The following CNTNAP5 variants were observed in gnomAD, a reference collection of about 807,000 sequenced individuals.
CNTNAP5 encodes the protein contactin associated protein family member 5.
A neutral mutation model predicts 150.2 loss-of-function variants in CNTNAP5; 72 were observed. The ratio of observed to expected loss-of-function variants is 0.48; its 90% CI spans 0.40 to 0.58. The LOEUF is 0.58. Among genes scored for constraint, CNTNAP5 ranks in the 20% least tolerant of loss-of-function variants. The probability of loss-of-function intolerance (pLI) is 0.00; values close to 1 mark genes in which losing one functional copy is unlikely to be tolerated. For synonymous variants in CNTNAP5, 672 were observed against 619.8 expected (o/e 1.08, Z -1.25); for missense variants, 1,636 against 1,626.2 (o/e 1.01, Z -0.10).
At chr2:124,828,571 T>C (rs576982881) in intron 19 of CNTNAP5, among the ~76,000 whole-genome samples, 7 of 151,970 alleles carry the variant, frequency 4.6e-5, no homozygotes, top group African/African-American at 1.7e-4. Flanking sequence ...TCGTAGGTTT[T>C]CAAAATATTT....
At chr2:124,406,045 C>A (rs577088246) in intron 3 of CNTNAP5, among the ~76,000 whole-genome samples, 2 of 152,302 alleles carry the variant, frequency 1.3e-5, no homozygotes, top group African/African-American at 4.8e-5. Flanking sequence ...TATCACCATG[C>A]AATTCAAACT....
At chr2:124,719,517 TA>T (rs913827958) in intron 13 of CNTNAP5, among the ~76,000 whole-genome samples, 2 of 152,040 alleles carry the variant, frequency 1.3e-5, no homozygotes, top group African/African-American at 4.8e-5. Context: ...ATCTGGTGTA[TA>T]AAAAAAGGGG....
At chr2:124,510,661 G>A (rs1456445368) in intron 8 of CNTNAP5, among the ~76,000 whole-genome samples, 1 of 151,794 alleles carries the variant, frequency 6.6e-6, no homozygotes, top group African/African-American at 2.4e-5. Flanking sequence ...CAAGTGACAT[G>A]AGGTCTACTT....
chr2:124,646,413 A>G (rs1678202647), intron 12 of CNTNAP5, among the ~76,000 whole-genome samples: 1 of 152,114 alleles, frequency 6.6e-6, no homozygotes, highest in African/African-American at 2.4e-5. Context: ...TCATTTCTTT[A>G]CTTTCTGGAC....
At chr2:124,380,221 T>C (rs891882540) in intron 3 of CNTNAP5, among the ~76,000 whole-genome samples, 15 of 152,162 alleles carry the variant, frequency 9.9e-5, no homozygotes, top group African/African-American at 3.6e-4. Context: ...CCGCATTTTG[T>C]ACACCATCCC....
At chr2:124,353,979 A>T (rs966236327) in intron 3 of CNTNAP5, among the ~76,000 whole-genome samples, 6 of 152,230 alleles carry the variant, frequency 3.9e-5, no homozygotes, top group African/African-American at 1.4e-4. Flanking sequence ...TGTCAGGCAG[A>T]TGAAAATTAT....
chr2:124,797,359 G>A (rs1573623724), intron 18 of CNTNAP5, among the ~76,000 whole-genome samples: 1 of 152,234 alleles, frequency 6.6e-6, no homozygotes. Flanking sequence ...TTTAGATCCC[G>A]TATTTCTTCC....
chr2:124,511,894 A>T (rs1300301766), intron 8 of CNTNAP5, among the ~76,000 whole-genome samples: 1 of 150,740 alleles, frequency 6.6e-6, no homozygotes, highest in African/African-American at 2.4e-5. Flanking sequence ...CAACCTGTAG[A>T]GAATTAGGAG....
chr2:124,510,518 T>TATATATATACACACACAC (rs10641959), intron 8 of CNTNAP5, among the ~76,000 whole-genome samples: 4 of 124,906 alleles, frequency 3.2e-5, no homozygotes, highest in East Asian at 2.2e-4. Flanking sequence ...TATATATATA[T>TATATATATACACACACAC]ACATATATCT....
intron 21 of CNTNAP5, among the ~76,000 whole-genome samples, chr2:124,900,634 A>C (rs916832806): frequency 6.6e-6 from 1 of 151,596 alleles, no homozygotes; most frequent in Non-Finnish European, 1.5e-5. Context: ...ATGTCATGAC[A>C]GTCACTATAG....
intron 4 of CNTNAP5, among the ~76,000 whole-genome samples, chr2:124,424,826 C>T (rs1442844877): frequency 6.6e-6 from 1 of 152,062 alleles, no homozygotes; most frequent in African/African-American, 2.4e-5. Context: ...GGTAGATAAA[C>T]AAATGCTCAT....
intron 3 of CNTNAP5, among the ~76,000 whole-genome samples, chr2:124,404,241 C>A (rs1021696264): frequency 6.6e-6 from 1 of 152,208 alleles, no homozygotes; most frequent in African/African-American, 2.4e-5. Flanking sequence ...GTCACTGATG[C>A]AGAATTTTGT....
intron 20 of CNTNAP5, among the ~76,000 whole-genome samples, chr2:124,867,029 C>A (rs1469823846): frequency 6.6e-6 from 1 of 152,156 alleles, no homozygotes; most frequent in Non-Finnish European, 1.5e-5. Context: ...CTGAATAGTT[C>A]ATGGTTCTAG....
chr2:124,790,140 A>C lies in CNTNAP5; in HGVS notation c.2991A>C (p.Lys997Asn), dbSNP rs1197855657. ...CTTATGAAGGGCCCTTTTGCAAAAA[A>C]GGTACCTTAGGCGCTCCTGTTTCTC... is the stretch of plus-strand genomic sequence containing the variant. ...NSPYEGPFCK[K>N]EVSAVFEAGT... The change falls in exon 18 of 24, where the codon AAA becomes AAC. Residue 997 changes from lysine (K) to asparagine (N), a missense_variant and splice_region_variant. Physicochemically the swap from Lys to Asn is moderately conservative, Grantham distance 94 (BLOSUM62 0). Transcript: ENST00000682447. 6.2e-7 allele frequency: 1 copy of C among 1,610,654 alleles called. No individual in the cohort carries two copies. Among genetic ancestry groups the C allele is most frequent in the Non-Finnish European group, 8.5e-7 (1 of 1,178,164 alleles).
At chr2:124,646,992 T>G (rs1054182325) in intron 12 of CNTNAP5, among the ~76,000 whole-genome samples, 1 of 152,142 alleles carries the variant, frequency 6.6e-6, no homozygotes, top group Non-Finnish European at 1.5e-5. Flanking sequence ...AAAAATTTTT[T>G]TAATAAAAGG....
chr2:124,146,445 A>G (rs1213761632), intron 1 of CNTNAP5, among the ~76,000 whole-genome samples: 2 of 152,184 alleles, frequency 1.3e-5, no homozygotes, highest in African/African-American at 2.4e-5. Flanking sequence ...ACTTCTGGGA[A>G]TCTATCCTAA....
At chr2:124,704,362 A>C (rs537452414) in intron 13 of CNTNAP5, among the ~76,000 whole-genome samples, 25 of 152,208 alleles carry the variant, frequency 1.6e-4, no homozygotes, top group Non-Finnish European at 1.5e-5. Context: ...CTTTCTTCTG[A>C]TTTTTTAAAA....
intron 11 of CNTNAP5, among the ~76,000 whole-genome samples, chr2:124,588,682 G>A (rs868519852): frequency 1.3e-5 from 2 of 152,086 alleles, no homozygotes; most frequent in African/African-American, 4.8e-5. Context: ...TGGAGGGTCA[G>A]GGTGACGTCA....
At chr2:124,802,711 G>A (rs1011668988) in intron 19 of CNTNAP5, among the ~76,000 whole-genome samples, 1 of 152,162 alleles carries the variant, frequency 6.6e-6, no homozygotes, top group Admixed American at 6.5e-5. Flanking sequence ...CACAGTAGTG[G>A]GGATTTCTCT....
Sources: gnomAD v4.1 joint callset for allele counts (sites outside exome capture counted in the v4.1 genomes callset) on GRCh38, gnomAD v4.1.1 for gene constraint, MANE v1.5 for transcripts, NCBI Gene and HGNC (gene_info 2026-07-23, HGNC 2026-07-21) for gene names.